STMN4: variants seen among roughly 807,000 people sequenced by gnomAD.
STMN4 encodes stathmin 4.
Under a neutral mutation model 29.1 loss-of-function variants are expected in STMN4, and 12 were observed. The observed-to-expected ratio is 0.41, with a 90% confidence interval of 0.26 to 0.67. The LOEUF is 0.67. Ranked by LOEUF, STMN4 falls within the 30% of genes least tolerant of loss-of-function variation. The probability of loss-of-function intolerance (pLI) is 0.30; values close to 1 mark genes in which losing one functional copy is unlikely to be tolerated. For synonymous variants in STMN4, 114 were observed against 105.3 expected (o/e 1.08, Z -0.51); for missense variants, 181 against 262.8 (o/e 0.69, Z 2.15).
intron 1 of STMN4, among the ~76,000 whole-genome samples, chr8:27,253,439 G>A (rs868129070): frequency 3.3e-5 from 5 of 152,140 alleles, no homozygotes; most frequent in African/African-American, 1.2e-4. Context: ...TACAAACCTG[G>A]TTTTGTCAGA....
chr8:27,256,398 T>C (rs904661059), intron 1 of STMN4, among the ~76,000 whole-genome samples: 1 of 152,166 alleles, frequency 6.6e-6, no homozygotes, highest in Non-Finnish European at 1.5e-5. Context: ...AGGTTGACTA[T>C]CTATTGGGAG....
At position 27,241,192 on chromosome 8, in the gene STMN4, C is replaced by T; in HGVS notation, c.261G>A (p.Ser87=). The part of the protein sequence containing the change: ...MEVIELNKCT[S]GQSFEVILKP... Reference sequence around the variant, plus strand: ...TCAGGATGACTTCAAAGGATTGGCCCGAGGTGCATTTGTTCAGCTCGATGA... The same window carrying T: ...TCAGGATGACTTCAAAGGATTGGCCTGAGGTGCATTTGTTCAGCTCGATGA... Residue 87 remains serine, a synonymous_variant, in exon 5 of 7, where the codon TCG becomes TCA. Transcript: ENST00000350889. 1.9e-6 allele frequency: 3 copies of T among 1,614,218 alleles called. No individual in the cohort carries two copies. The highest frequency in any genetic ancestry group is 2.5e-6 in the Non-Finnish European group (3 of 1,180,052).
intron 1 of STMN4, among the ~76,000 whole-genome samples, chr8:27,253,998 G>A (rs965154868): frequency 2.6e-5 from 4 of 152,284 alleles, no homozygotes; most frequent in African/African-American, 4.8e-5. Flanking sequence ...GGCCAGGCTG[G>A]TCTTGAATTC....
chr8:27,239,529 G>T, intron 6 of STMN4: 1 of 718,786 alleles, frequency 1.4e-6, no homozygotes, highest in Non-Finnish European at 2.2e-6. Context: ...AGAGAATCAT[G>T]TTTCCTGCTC....
At chr8:27,237,137 C>T (rs1801333604) in intron 6 of STMN4, among the ~76,000 whole-genome samples, 1 of 152,180 alleles carries the variant, frequency 6.6e-6, no homozygotes, top group Non-Finnish European at 1.5e-5. Flanking sequence ...GGGTGTCAAA[C>T]TGCAGCAGGG....
Position 27,241,158 on chromosome 8 carries a change from A to C in STMN4, c.295T>G (p.Ser99Ala), listed in dbSNP as rs1329057150. 1 of 1,614,200 alleles carries C rather than the reference A, an allele frequency of 6.2e-7. No individual in the cohort carries two copies. Among genetic ancestry groups the C allele is most frequent in the East Asian group, 2.2e-5 (1 of 44,880 alleles). Residue 99 changes from serine to alanine, a missense_variant, in exon 5 of 7, where the codon TCC becomes GCC. Physicochemically the swap from Ser to Ala is moderately conservative, Grantham distance 99. Coordinates refer to ENST00000350889, the MANE Select transcript of STMN4 (RefSeq NM_030795.4). ...TTGAACTCGGGAACCCCATCAAAGG[A>C]GGGTGGCTTCAGGATGACTTCAAAG... ...QSFEVILKPPSFDGVPEFNAS... is the reference protein window; with the variant it reads ...QSFEVILKPPAFDGVPEFNAS...
At chr8:27,242,296 G>A (rs1801497797) in intron 3 of STMN4, 101 bp downstream of exon 3, 5 of 1,173,296 alleles carry the variant, frequency 4.3e-6, no homozygotes, top group South Asian at 3.9e-5. Flanking sequence ...AAACTGTCTC[G>A]GGAGGAGAGA....
chr8:27,248,793 G>A (rs1406233760), intron 1 of STMN4, among the ~76,000 whole-genome samples: 1 of 152,158 alleles, frequency 6.6e-6, no homozygotes, highest in Non-Finnish European at 1.5e-5. Flanking sequence ...CTGTCTTTAG[G>A]TTCTGCTGCG....
intron 1 of STMN4, among the ~76,000 whole-genome samples, chr8:27,251,279 T>C: frequency 7.0e-6 from 1 of 142,712 alleles, no homozygotes; most frequent in Middle Eastern, 3.8e-3. Context: ...TATATACACG[T>C]ATATACGTAT....
intron 1 of STMN4, among the ~76,000 whole-genome samples, chr8:27,245,761 G>A (rs1253974490): frequency 1.3e-5 from 2 of 152,252 alleles, no homozygotes; most frequent in African/African-American, 4.8e-5. Context: ...GAGGCAGAGA[G>A]GGATGCCTGA....
chr8:27,241,574 C>T (rs1236038480), intron 4 of STMN4, 103 bp downstream of exon 4: 1 of 1,376,056 alleles, frequency 7.3e-7, no homozygotes, highest in Non-Finnish European at 1.0e-6. Flanking sequence ...CTCAATTTGT[C>T]GTCCGTGGTG....
intron 1 of STMN4, 32 bp from the exon 2 acceptor site, chr8:27,243,833 C>T (rs1471397857): frequency 6.3e-6 from 10 of 1,587,956 alleles, no homozygotes; most frequent in Admixed American, 5.0e-5. Context: ...ATTTTACCAT[C>T]GATGGATTAG....
At chr8:27,249,028 C>A (rs763472042) in intron 1 of STMN4, among the ~76,000 whole-genome samples, 4 of 152,122 alleles carry the variant, frequency 2.6e-5, no homozygotes, top group Non-Finnish European at 4.4e-5. Flanking sequence ...AGCAAGGAAC[C>A]AGAGCTTTTT....
Position 27,241,659 on chromosome 8 carries a change from C to A in STMN4, c.190+18G>T. The A allele has an allele frequency of 3.1e-6, 5 of 1,614,076 alleles. No individual in the cohort carries two copies. Among genetic ancestry groups the A allele is most frequent in the Non-Finnish European group, 4.2e-6 (5 of 1,179,950 alleles). On this transcript the variant is annotated intron_variant, in intron 4 of 6. Transcript: ENST00000350889. ...CTGACGCTCGGCCTGCGGAATCCCT[C>A]CGCTGCCTCCCTCCTACCCTGAGCT...
intron 6 of STMN4, among the ~76,000 whole-genome samples, chr8:27,238,617 T>C (rs968942338): frequency 3.3e-5 from 5 of 152,204 alleles, no homozygotes; most frequent in Non-Finnish European, 7.3e-5. Flanking sequence ...AAGTCTCTCT[T>C]GATGACAAAA....
At chr8:27,243,381 C>T (rs1156279216) in intron 2 of STMN4, among the ~76,000 whole-genome samples, 1 of 152,160 alleles carries the variant, frequency 6.6e-6, no homozygotes, top group African/African-American at 2.4e-5. Flanking sequence ...CTTCCTTTTA[C>T]AGATTTGAAA....
rs1455235284 is a variant in STMN4 at position 27,236,203 on chromosome 8, AG to A, written c.*642del. On this transcript the variant is annotated 3_prime_UTR_variant, in exon 7 of 7. Transcript: ENST00000350889. Reference sequence around the variant, plus strand: ...TTGAATGGCAGAATTAAGGAAGCAAAGGGGCATCTGCCATCAGATGGATGAA... The same window carrying A: ...TTGAATGGCAGAATTAAGGAAGCAAAGGGCATCTGCCATCAGATGGATGAA... 4 of 152,222 alleles carry A rather than the reference AG, an allele frequency of 2.6e-5. No individual in the cohort carries two copies. The highest frequency in any genetic ancestry group is 4.4e-5 in the Non-Finnish European group (3 of 68,042). 9.4% of individuals were successfully genotyped at this position (152,222 alleles called of 1,614,324 possible).
intron 1 of STMN4, among the ~76,000 whole-genome samples, chr8:27,245,734 C>G (rs561463235): frequency 6.6e-6 from 1 of 152,250 alleles, no homozygotes; most frequent in Admixed American, 6.5e-5. Context: ...GAAGTGGAAG[C>G]CTGAATAGGT....
Position 27,241,044 on chromosome 8 carries a change from C to A in STMN4, c.399+10G>T. The A allele has an allele frequency of 6.2e-7, 1 of 1,609,202 alleles. No homozygotes were observed. Among genetic ancestry groups the A allele is most frequent in the South Asian group, 1.1e-5 (1 of 90,468 alleles). Reference sequence around the variant, plus strand: ...TGAGAGGGAGGAAAGAAGGAAGGGTCAGCATTTACCTTCCTTCGCTCCTCA... The same window carrying A: ...TGAGAGGGAGGAAAGAAGGAAGGGTAAGCATTTACCTTCCTTCGCTCCTCA... On this transcript the variant is annotated intron_variant, in intron 5 of 6. Transcript: ENST00000350889.
Sources: gnomAD v4.1 joint callset for allele counts (sites outside exome capture counted in the v4.1 genomes callset) on GRCh38, gnomAD v4.1.1 for gene constraint, MANE v1.5 for transcripts, NCBI Gene and HGNC (gene_info 2026-07-23, HGNC 2026-07-21) for gene names.